Variants in ADAM18 observed in about 807,000 individuals in gnomAD.
The protein encoded by ADAM18 is disintegrin and metalloproteinase domain-containing protein 18.
In ADAM18, 117 loss-of-function variants were observed where a neutral mutation model predicts 94.4. The ratio of observed to expected loss-of-function variants is 1.24; its 90% CI spans 1.07 to 1.45. The LOEUF is 1.45. Ranked by LOEUF, ADAM18 falls within the 40% of genes most tolerant of loss-of-function variation. The probability of loss-of-function intolerance (pLI) is 0.00; values close to 1 mark genes in which losing one functional copy is unlikely to be tolerated. For missense variants in ADAM18, 936 were observed against 880.0 expected, an observed-to-expected ratio of 1.06 and a Z score of -0.81; for synonymous variants, 327 against 291.6, an observed-to-expected ratio of 1.12 and a Z score of -1.24.
chr8:39,723,773 C>T lies in ADAM18; in HGVS notation c.2043C>T (p.Tyr681=), dbSNP rs745818987. Residue 681 remains tyrosine (Y), a synonymous_variant, in exon 19 of 20, where the codon TAC becomes TAT. Transcript: ENST00000265707. ...KSGDFYTEKG[Y]NTHWNNWFIL... ...GTGACTTTTATACTGAAAAAGGCTACAATACACACTGGAACAACTGGTTTA... is the reference window on the plus strand; with the variant it reads ...GTGACTTTTATACTGAAAAAGGCTATAATACACACTGGAACAACTGGTTTA... The T allele has an allele frequency of 3.8e-6, 6 of 1,563,644 alleles. No homozygotes were observed. The highest frequency in any genetic ancestry group is 4.3e-6 in the Non-Finnish European group (5 of 1,157,104).
intron 18 of ADAM18, among the ~76,000 whole-genome samples, chr8:39,711,140 A>G (rs1822384458): frequency 6.6e-6 from 1 of 152,208 alleles, no homozygotes; most frequent in Admixed American, 6.5e-5. Flanking sequence ...TCAAAACATT[A>G]CCTGAACAAA....
In ADAM18 at chr8:39,663,800, T is replaced by C. The variant is rs767543414; in HGVS notation, c.1236T>C (p.Cys412=). Residue 412 remains cysteine, a synonymous_variant, in exon 13 of 20, where the codon TGT becomes TGC. Transcript: ENST00000265707. ...EECDCGNKNE[C]QFKKCCDYNT... is the part of the protein sequence containing the mutation. ...TTCTTCCTGTAAAATTTTAGGAATG[T>C]CAATTTAAGAAGTGCTGTGATTATA... 5 of 1,608,326 alleles carry C rather than the reference T, an allele frequency of 3.1e-6. No individual in the cohort carries two copies. Among genetic ancestry groups the C allele is most frequent in the East Asian group, 2.2e-5 (1 of 44,728 alleles).
At chr8:39,643,446 A>G (rs1024674288) in intron 10 of ADAM18, among the ~76,000 whole-genome samples, 4 of 151,906 alleles carry the variant, frequency 2.6e-5, no homozygotes, top group African/African-American at 9.7e-5. Flanking sequence ...TATCTTCCCC[A>G]TTCCTGGGCA....
intron 16 of ADAM18, chr8:39,685,412 A>T (rs978223571): frequency 1.3e-5 from 2 of 152,300 alleles, no homozygotes; most frequent in African/African-American, 4.8e-5. Flanking sequence ...CATCATGAGC[A>T]GTAAGTGCCA....
chr8:39,606,504 G>A (rs1249551403), intron 3 of ADAM18, 142 bp downstream of exon 3: 1 of 482,524 alleles, frequency 2.1e-6, no homozygotes, highest in Middle Eastern at 3.5e-4. Context: ...CCCAATTTAG[G>A]ATTCATTAGG....
rs1160591687 is a variant in ADAM18, at chr8:39,637,028, T to C, written c.589-236T>C. 5.2e-4 allele frequency among the ~76,000 whole-genome samples: 52 copies of C among 99,602 alleles called. 1 individual carries two copies. Among genetic ancestry groups the C allele is most frequent in the Non-Finnish European group, 9.6e-4 (49 of 51,152 alleles). 65.3% of individuals were successfully genotyped at this position (99,602 alleles called of 152,430 possible). ...TCCGCATGTGTGTATTTTATATATA[T>C]ATATATATATATATATATATATATA... is the stretch of plus-strand genomic sequence containing the variant. On this transcript the variant is annotated intron_variant, in intron 7 of 19. Transcript: ENST00000265707.
intron 16 of ADAM18, among the ~76,000 whole-genome samples, chr8:39,683,185 A>G (rs1175553552): frequency 6.6e-6 from 1 of 152,244 alleles, no homozygotes; most frequent in Non-Finnish European, 1.5e-5. Flanking sequence ...CATGGGAAGA[A>G]AGTGAATATG....
chr8:39,606,383 C>A, intron 3 of ADAM18, 21 bp downstream of exon 3: 1 of 1,471,354 alleles, frequency 6.8e-7, no homozygotes, highest in Non-Finnish European at 9.3e-7. Flanking sequence ...ATTTTTTTTT[C>A]ATTAAGGAAA....
At chr8:39,679,200 A>G (rs951060730) in intron 15 of ADAM18, among the ~76,000 whole-genome samples, 11 of 152,196 alleles carry the variant, frequency 7.2e-5, no homozygotes, top group Non-Finnish European at 1.6e-4. Flanking sequence ...TTCTTTTAGG[A>G]CAAATGGGTA....
At chr8:39,702,291 T>C (rs1242520627) in intron 17 of ADAM18, among the ~76,000 whole-genome samples, 2 of 152,168 alleles carry the variant, frequency 1.3e-5, no homozygotes, top group African/African-American at 4.8e-5. Context: ...ATGTATGTCT[T>C]TTTTGAAAAG....
rs1822871912 is a variant in ADAM18, at chr8:39,725,320, T to C, written c.2177+1413T>C. On this transcript the variant is annotated intron_variant, in intron 19 of 19. Transcript: ENST00000265707. ...TCCCAAAGTTTCCTCCCAAATTTTA[T>C]ATTATTGTTGTTGCTTTACCAAGGT... 2.0e-5 allele frequency among the ~76,000 whole-genome samples: 3 copies of C among 152,110 alleles called. 1 individual carries two copies. The South Asian group carries it at 6.2e-4, about 31-fold the overall frequency.
chr8:39,643,483 TG>T (rs1181179643), intron 10 of ADAM18, among the ~76,000 whole-genome samples: 1 of 152,126 alleles, frequency 6.6e-6, no homozygotes, highest in African/African-American at 2.4e-5. Flanking sequence ...CTTTGGGTTT[TG>T]ATATATTAGG....
chr8:39,648,214 G>T, intron 11 of ADAM18, 130 bp from the exon 12 acceptor site: 1 of 587,946 alleles, frequency 1.7e-6, no homozygotes, highest in Non-Finnish European at 2.8e-6. Context: ...ATTATCCTTG[G>T]TTGAATCTCT....
rs987016588 is a variant in ADAM18, at chr8:39,673,994, G to A, written c.1526-3437G>A. 7.2e-5 allele frequency among the ~76,000 whole-genome samples: 11 copies of A among 152,136 alleles called. 1 individual carries two copies. Among genetic ancestry groups the A allele is most frequent in the African/African-American group, 1.9e-4 (8 of 41,422 alleles). ...TGCACTGTGGTCTGAGAGACAGTTC[G>A]TTGTGATTTCTGTTCATTTACATTT... On this transcript the variant is annotated intron_variant, in intron 14 of 19. Coordinates refer to ENST00000265707, the MANE Select transcript of ADAM18 (RefSeq NM_014237.3).
At chr8:39,615,904 A>G in intron 6 of ADAM18, among the ~76,000 whole-genome samples, 1 of 152,250 alleles carries the variant, frequency 6.6e-6, no homozygotes, top group African/African-American at 2.4e-5. Context: ...TAGCACTTGT[A>G]TAAGCTAATA....
chr8:39,727,304 T>A (rs777867428), intron 19 of ADAM18, among the ~76,000 whole-genome samples: 1 of 152,178 alleles, frequency 6.6e-6, no homozygotes, highest in Non-Finnish European at 1.5e-5. Context: ...TGAATTCCTC[T>A]CCTTTCAAAG....
At chr8:39,587,865 A>G (rs1818453383) in intron 2 of ADAM18, among the ~76,000 whole-genome samples, 1 of 152,076 alleles carries the variant, frequency 6.6e-6, no homozygotes, top group Non-Finnish European at 1.5e-5. Context: ...CTCAAATAGG[A>G]TTTCCTTCTT....
intron 6 of ADAM18, among the ~76,000 whole-genome samples, chr8:39,620,510 C>G (rs1819583903): frequency 6.8e-6 from 1 of 147,594 alleles, no homozygotes; most frequent in Non-Finnish European, 1.5e-5. Flanking sequence ...GGTAAACATA[C>G]TTTCTCAAAA....
chr8:39,616,593 C>T (rs184313983), intron 6 of ADAM18, among the ~76,000 whole-genome samples: 1 of 152,176 alleles, frequency 6.6e-6, no homozygotes, highest in Non-Finnish European at 1.5e-5. Context: ...AACAAAGCTG[C>T]AATCATCACA....
Sources: gnomAD v4.1 joint callset for allele counts (sites outside exome capture counted in the v4.1 genomes callset) on GRCh38, gnomAD v4.1.1 for gene constraint, MANE v1.5 for transcripts, NCBI Gene and HGNC (gene_info 2026-07-23, HGNC 2026-07-21) for gene names.